Variants in TASOR2 observed in about 807,000 individuals in gnomAD.
TASOR2 encodes protein TASOR 2.
Under a neutral mutation model 199.5 loss-of-function variants are expected in TASOR2, and 84 were observed. That is an observed-to-expected ratio of 0.42 (90% CI 0.35 to 0.50). TASOR2 has a LOEUF of 0.50. TASOR2 is among the 20% of genes least tolerant of loss of function. The pLI is 0.02. For missense variants in TASOR2, 2,796 were observed against 2,835.9 expected, an observed-to-expected ratio of 0.99 and a Z score of 0.32; for synonymous variants, 1,103 against 1,046.6, an observed-to-expected ratio of 1.05 and a Z score of -1.04.
intron 18 of TASOR2, 129 bp downstream of exon 19, chr10:5,759,121 T>A: frequency 4.7e-6 from 3 of 645,054 alleles, no homozygotes. Context: ...TGAGGGCTGC[T>A]GGCTCTGTAT....
intron 8 of TASOR2, 145 bp from the exon 10 acceptor site, chr10:5,726,740 C>T (rs988743118): frequency 9.1e-6 from 6 of 659,880 alleles, no homozygotes; most frequent in Non-Finnish European, 1.6e-5. Flanking sequence ...GTTTCTGATA[C>T]TGGGGACAGA....
rs1291873284 is a variant in TASOR2, at chr10:5,687,310, C to T, written c.-288+2135C>T. On this transcript the variant is annotated intron_variant, in intron 1 of 20. Transcript: ENST00000328090. This position sits in a 1 kb window ranked among gnomAD's most constrained non-coding sequence, Gnocchi z 4.8. Reference sequence around the variant, plus strand: ...TTATTAATTTTGTGTTAATTATTCCCTTGCCTTTTTAAACAGTTTTATCAC... The same window carrying T: ...TTATTAATTTTGTGTTAATTATTCCTTTGCCTTTTTAAACAGTTTTATCAC... Among the ~76,000 whole-genome samples the T allele has an allele frequency of 6.6e-6, 1 of 152,202 alleles. No individual in the cohort carries two copies.
chr10:5,733,119 A>G (rs1835066057), intron 11 of TASOR2, among the ~76,000 whole-genome samples: 1 of 152,194 alleles, frequency 6.6e-6, no homozygotes, highest in Admixed American at 6.5e-5. Flanking sequence ...GTTTGATATT[A>G]TATTCCGGTA....
Position 5,737,119 on chromosome 10 carries a change from C to G in TASOR2, c.1447+1573C>G, listed in dbSNP as rs1835727976. Among the ~76,000 whole-genome samples, 1 of 152,058 alleles carries G rather than the reference C, an allele frequency of 6.6e-6. No homozygotes were observed. Among genetic ancestry groups the G allele is most frequent in the African/African-American group, 2.4e-5 (1 of 41,386 alleles). Reference sequence around the variant, plus strand: ...GGACTACAGGTGCATGCCACCACGCCTGGCTAATTTTTGTATTTTTAGTAG... The same window carrying G: ...GGACTACAGGTGCATGCCACCACGCGTGGCTAATTTTTGTATTTTTAGTAG... On this transcript the variant is annotated intron_variant, in intron 12 of 20. Coordinates refer to ENST00000328090, the Ensembl canonical transcript of TASOR2. The surrounding 1 kb of genome is among the most constrained non-coding windows in gnomAD (Gnocchi z 4.9).
At chr10:5,700,342 A>C (rs952120849) in intron 1 of TASOR2, among the ~76,000 whole-genome samples, 5 of 152,052 alleles carry the variant, frequency 3.3e-5, no homozygotes, top group Non-Finnish European at 5.9e-5. Context: ...GTTGATGGAC[A>C]CTGAGGTTGA....
Position 5,754,199 on chromosome 10 carries a change from A to G in TASOR2, c.6607-2414A>G, listed in dbSNP as rs912760603. Among the ~76,000 whole-genome samples the G allele has an allele frequency of 5.9e-5, 9 of 152,018 alleles. No individual in the cohort carries two copies. Among genetic ancestry groups the G allele is most frequent in the Non-Finnish European group, 8.8e-5 (6 of 67,984 alleles). ...GCGCGCTTGTGGTACTCGGGAGGCT[A>G]AGGCAGGAGAATCACTTGAACCCAG... On this transcript the variant is annotated intron_variant, in intron 15 of 20. Transcript: ENST00000328090. This position sits in a 1 kb window ranked among gnomAD's most constrained non-coding sequence, Gnocchi z 4.3.
At position 5,719,339 on chromosome 10, in the gene TASOR2, A is replaced by AT. The variant is rs1272466352; in HGVS notation, c.-99-1198dup. On this transcript the variant is annotated intron_variant, in intron 3 of 20. Transcript: ENST00000328090. The surrounding 1 kb of genome is among the most constrained non-coding windows in gnomAD (Gnocchi z 4.1). ...GGTAAACTTGGCTTACTTGCTTTTT[A>AT]TTTTTTTGTTTGTTTGTTTTTTGAG... Among the ~76,000 whole-genome samples the AT allele has an allele frequency of 6.6e-6, 1 of 151,624 alleles. No individual in the cohort carries two copies. The highest frequency in any genetic ancestry group is 1.5e-5 in the Non-Finnish European group (1 of 67,858).
intron 14 of TASOR2, among the ~76,000 whole-genome samples, chr10:5,744,634 T>G (rs1326343360): frequency 2.0e-5 from 3 of 151,898 alleles, no homozygotes; most frequent in African/African-American, 7.3e-5. Flanking sequence ...TTTGTTTTGT[T>G]TTGTTTGAGA....
chr10:5,742,517 C>A lies in TASOR2; in HGVS notation c.2748C>A (p.Tyr916Ter). 5 of 1,612,560 alleles carry A rather than the reference C, an allele frequency of 3.1e-6. No individual in the cohort carries two copies. Among genetic ancestry groups the A allele is most frequent in the Non-Finnish European group, 4.2e-6 (5 of 1,179,630 alleles). Residue 916 changes from tyrosine to a stop codon, truncating the protein, a stop_gained, in exon 14 of 21, where the codon TAC becomes TAA. Transcript: ENST00000328090. LOFTEE classifies it high-confidence loss of function. The surrounding 1 kb of genome is among the most constrained non-coding windows in gnomAD (Gnocchi z 4.2). The stretch of plus-strand genomic sequence containing the variant: ...AAGACCAGAATTTCATCTGTTCTTA[C>A]AATAATGAGGTATGTAAAGCTGAAT...
At chr10:5,715,973 G>A (rs1201266019) in intron 2 of TASOR2, among the ~76,000 whole-genome samples, 3 of 152,138 alleles carry the variant, frequency 2.0e-5, no homozygotes, top group East Asian at 1.9e-4. Context: ...ATCACAGAGC[G>A]TACTTAGAGA....
In TASOR2 at chr10:5,740,159, T is replaced by G. The variant is rs1299244085; in HGVS notation, c.1989T>G (p.His663Gln). The G allele has an allele frequency of 6.2e-7, 1 of 1,614,082 alleles. No individual in the cohort carries two copies. Among genetic ancestry groups the G allele is most frequent in the Non-Finnish European group, 8.5e-7 (1 of 1,180,054 alleles). Residue 663 changes from histidine to glutamine, a missense_variant, in exon 13 of 21, where the codon CAT becomes CAG. Transcript: ENST00000328090. This position sits in a 1 kb window ranked among gnomAD's most constrained non-coding sequence, Gnocchi z 5.3. ...CATATGCCCTGCTCCTTACAGAACATTCAAAGAAACATCTACAGGAGAGAG... is the reference window on the plus strand; with the variant it reads ...CATATGCCCTGCTCCTTACAGAACAGTCAAAGAAACATCTACAGGAGAGAG...
chr10:5,754,764 C>T lies in TASOR2; in HGVS notation c.6607-1849C>T, dbSNP rs1327547277. Among the ~76,000 whole-genome samples, 5 of 152,082 alleles carry T rather than the reference C, an allele frequency of 3.3e-5. No homozygotes were observed. The highest frequency in any genetic ancestry group is 1.2e-4 in the African/African-American group (5 of 41,414). On this transcript the variant is annotated intron_variant, in intron 15 of 20. Transcript: ENST00000328090. The surrounding 1 kb of genome is among the most constrained non-coding windows in gnomAD (Gnocchi z 4.3). The stretch of plus-strand genomic sequence containing the variant: ...TTGTCAACTGAGAAAGTGGACACGG[C>T]CGGGCGCGGTGGCTCACGCCTGTAA...
chr10:5,757,397 C>G, intron 16 of TASOR2, 123 bp from the exon 18 acceptor site: 10 of 955,396 alleles, frequency 1.0e-5, no homozygotes, highest in Non-Finnish European at 1.6e-5. Flanking sequence ...AGTCGGTAAT[C>G]CAGGTTGAAA....
At chr10:5,749,960 C>A in exon 15 of TASOR2, 1 of 1,613,984 alleles carries the variant, frequency 6.2e-7, no homozygotes, top group Non-Finnish European at 8.5e-7. Flanking sequence ...GTGAAAGAGG[C>A]TTGTAAAAGT....
chr10:5,732,299 A>C (rs1351224366), intron 11 of TASOR2, among the ~76,000 whole-genome samples: 1 of 152,258 alleles, frequency 6.6e-6, no homozygotes, highest in Non-Finnish European at 1.5e-5. Flanking sequence ...ATTATGGCCA[A>C]GGGGCCACTC....
chr10:5,742,542 T>A lies in TASOR2; in HGVS notation c.2757+16T>A, dbSNP rs776354078. The stretch of plus-strand genomic sequence containing the variant: ...CAATAATGAGGTATGTAAAGCTGAA[T>A]ACCGTTAAATGTTGGCATTATTTTT... On this transcript the variant is annotated intron_variant, in intron 14 of 20. Transcript: ENST00000328090. This position sits in a 1 kb window ranked among gnomAD's most constrained non-coding sequence, Gnocchi z 4.2. 6.3e-7 allele frequency: 1 copy of A among 1,581,930 alleles called. No homozygotes were observed. Among genetic ancestry groups the A allele is most frequent in the South Asian group, 1.2e-5 (1 of 85,160 alleles).
chr10:5,739,041 A>C (rs946320261), intron 12 of TASOR2, among the ~76,000 whole-genome samples: 1 of 152,228 alleles, frequency 6.6e-6, no homozygotes, highest in African/African-American at 2.4e-5. Flanking sequence ...GGACTTTTCT[A>C]ATTTTTTATT....
At chr10:5,733,854 T>TA (rs937270659) in intron 11 of TASOR2, among the ~76,000 whole-genome samples, 80 of 151,372 alleles carry the variant, frequency 5.3e-4, no homozygotes, top group African/African-American at 1.6e-3. Context: ...GTCTTATTGT[T>TA]AAAAAAAAAT....
At chr10:5,695,336 C>T (rs1837017723) in intron 1 of TASOR2, among the ~76,000 whole-genome samples, 1 of 152,100 alleles carries the variant, frequency 6.6e-6, no homozygotes, top group Non-Finnish European at 1.5e-5. Context: ...GGACAGGATG[C>T]TTTGAGATAA....
Sources: allele counts gnomAD v4.1 joint callset (sites outside exome capture counted in the v4.1 genomes callset), GRCh38; gene constraint gnomAD v4.1.1; non-coding constraint Gnocchi (gnomAD v3.1); transcripts MANE v1.5; gene names NCBI Gene and HGNC (gene_info 2026-07-23, HGNC 2026-07-21).